Variants in MED11 observed in about 807,000 individuals in gnomAD.
MED11 encodes mediator complex subunit 11, also known as mediator of RNA polymerase II transcription subunit 11.
A neutral mutation model predicts 13.9 loss-of-function variants in MED11; 19 were observed. That is an observed-to-expected ratio of 1.36 (90% CI 0.95 to 2.00). The LOEUF (loss-of-function observed/expected upper bound fraction) is 2.00. Ranked by LOEUF, MED11 falls within the 30% of genes most tolerant of loss-of-function variation. The pLI, the probability that MED11 is intolerant of heterozygous loss-of-function variation, is 0.00. For synonymous variants in MED11, 67 were observed against 62.1 expected, an observed-to-expected ratio of 1.08 and a Z score of -0.37; for missense variants, 134 against 150.2, an observed-to-expected ratio of 0.89 and a Z score of 0.56.
intron 2 of MED11, chr17:4,732,420 CAA>C (rs58128934): frequency 6.8e-5 from 4 of 58,980 alleles, no homozygotes; most frequent in East Asian, 4.5e-4. Context: ...AAGACTGTCT[CAA>C]AAAAAAAAAA....
In MED11 at chr17:4,731,793, T is replaced by C. The variant is rs1372292723; in HGVS notation, c.103T>C (p.Leu35=). Residue 35 remains leucine (L), a synonymous_variant, in exon 2 of 3, where the codon TTG becomes CTG. Transcript: ENST00000293777. ...LQNAGTVILE[L]SKEKTNERLL... ...CCTGGCAGGTACTGTGATCCTAGAA[T>C]TGTCCAAGGAAAAAACTAACGAGCG... 6 of 1,614,108 alleles carry C rather than the reference T, an allele frequency of 3.7e-6. No homozygotes were observed. Among genetic ancestry groups the C allele is most frequent in the Non-Finnish European group, 5.1e-6 (6 of 1,180,018 alleles).
Position 4,733,365 on chromosome 17 carries a change from A to G in MED11, c.*178A>G. ...CTGAAGCCCGAGCCTGCCCACAGCT[A>G]TGCTTTGGCCTCTCCAGCAGGGTGC... On this transcript the variant is annotated 3_prime_UTR_variant, in exon 3 of 3. Coordinates refer to ENST00000293777, the MANE Select transcript of MED11 (RefSeq NM_001001683.4). 2 of 733,262 alleles carry G rather than the reference A, an allele frequency of 2.7e-6. No individual in the cohort carries two copies. Among genetic ancestry groups the G allele is most frequent in the East Asian group, 2.8e-5 (1 of 35,998 alleles). 45.4% of individuals were successfully genotyped at this position (733,262 alleles called of 1,614,324 possible).
chr17:4,731,693 A>C, intron 1 of MED11, 83 bp from the exon 2 acceptor site: 1 of 1,606,390 alleles, frequency 6.2e-7, no homozygotes, highest in Non-Finnish European at 8.5e-7. Flanking sequence ...GCGCAGCGAA[A>C]GGGCGGGACT....
At position 4,731,910 on chromosome 17, in the gene MED11, G is replaced by A. The variant is rs764366298; in HGVS notation, c.216+4G>A. 6.2e-7 allele frequency: 1 copy of A among 1,613,172 alleles called. No individual in the cohort carries two copies. The highest frequency in any genetic ancestry group is 2.2e-5 in the East Asian group (1 of 44,858). ...TCAGATCCGCTACCTCACCCAGGTC[G>A]GTGTGTCTGGGGGGTTCTGCGAGCG... On this transcript the variant is annotated splice_donor_region_variant and intron_variant, in intron 2 of 2. Transcript: ENST00000293777.
In MED11 at chr17:4,733,090, C is replaced by G; in HGVS notation, c.257C>G (p.Ser86Trp). ...CCCCATGAGGGCTCCAGCTACTCTT[C>G]GAGGAAGGACTGTCAGATGGCTCTG... ...GQPHEGSSYS[S>W]RKDCQMALKR... Residue 86 changes from serine to tryptophan, a missense_variant, in exon 3 of 3, where the codon TCG becomes TGG. Ser to Trp is a radical substitution (Grantham distance 177). Coordinates refer to ENST00000293777, the MANE Select transcript of MED11 (RefSeq NM_001001683.4). 1.2e-6 allele frequency: 2 copies of G among 1,614,106 alleles called. No homozygotes were observed. The highest frequency in any genetic ancestry group is 1.7e-6 in the Non-Finnish European group (2 of 1,180,016).
rs377429106 is a variant in MED11 at position 4,733,223 on chromosome 17, A to G, written c.*36A>G. On this transcript the variant is annotated 3_prime_UTR_variant, in exon 3 of 3. Coordinates refer to ENST00000293777, the MANE Select transcript of MED11 (RefSeq NM_001001683.4). ...TGGACCCAGAGCTGAGAGGGAGACCATCACCTGTGCCATGGGACAGAACCT... is the reference window on the plus strand; with the variant it reads ...TGGACCCAGAGCTGAGAGGGAGACCGTCACCTGTGCCATGGGACAGAACCT... The G allele has an allele frequency of 1.6e-5, 25 of 1,612,858 alleles. No individual in the cohort carries two copies. The African/African-American group carries it at 2.8e-4, about 18-fold the overall frequency.
In MED11 at chr17:4,731,898, C is replaced by T. The variant is rs368720003; in HGVS notation, c.208C>T (p.Leu70Phe). 37 of 1,613,628 alleles carry T rather than the reference C, an allele frequency of 2.3e-5. No homozygotes were observed. Among genetic ancestry groups the T allele is most frequent in the Non-Finnish European group, 3.1e-5 (37 of 1,179,806 alleles). Residue 70 changes from leucine to phenylalanine, a missense_variant, in exon 2 of 3, where the codon CTC (leucine) becomes TTC (phenylalanine). Coordinates refer to ENST00000293777, the MANE Select transcript of MED11 (RefSeq NM_001001683.4). The part of the protein sequence containing the change: ...EAELSAQIRY[L>F]TQVATGQPHE... ...GGAGCTGTCAGCTCAGATCCGCTAC[C>T]TCACCCAGGTCGGTGTGTCTGGGGG...
chr17:4,731,517 A>G lies in MED11; in HGVS notation c.28A>G (p.Arg10Gly). Residue 10 changes from arginine (R) to glycine (G), a missense_variant, in exon 1 of 3, where the codon AGA becomes GGA. By Grantham distance (125) the Arg-to-Gly change is moderately radical (BLOSUM62 -2). Coordinates refer to ENST00000293777, the MANE Select transcript of MED11 (RefSeq NM_001001683.4). MATYSLANE[R>G]LRALEDIERE... ...GGCTACCTACAGCCTGGCGAACGAG[A>G]GACTACGCGCTCTGGAAGACATTGA... is the stretch of plus-strand genomic sequence containing the variant. The G allele has an allele frequency of 6.2e-7, 1 of 1,614,054 alleles. No individual in the cohort carries two copies. Among genetic ancestry groups the G allele is most frequent in the Non-Finnish European group, 8.5e-7 (1 of 1,179,986 alleles).
Position 4,733,274 on chromosome 17 carries a change from A to G in MED11, c.*87A>G. ...GGGAACATGTAGGGTGGGGAGTATGAGCACCAACATACCCTGCTGGTCAAA... is the reference window on the plus strand; with the variant it reads ...GGGAACATGTAGGGTGGGGAGTATGGGCACCAACATACCCTGCTGGTCAAA... On this transcript the variant is annotated 3_prime_UTR_variant, in exon 3 of 3. Transcript: ENST00000293777. The G allele has an allele frequency of 8.0e-6, 12 of 1,504,530 alleles. No homozygotes were observed. Among genetic ancestry groups the G allele is most frequent in the Non-Finnish European group, 1.1e-5 (12 of 1,102,872 alleles). 93.2% of individuals were successfully genotyped at this position (1,504,530 alleles called of 1,614,324 possible).
chr17:4,731,660 TG>T, intron 1 of MED11, 86 bp downstream of exon 1: 1 of 1,608,184 alleles, frequency 6.2e-7, no homozygotes, highest in Non-Finnish European at 8.5e-7. Flanking sequence ...GGAGCAGGGT[TG>T]GGGAGGGAAT....
At position 4,731,480 on chromosome 17, in the gene MED11, C is replaced by G. The variant is rs376017838; in HGVS notation, c.-10C>G. 6.2e-7 allele frequency: 1 copy of G among 1,613,508 alleles called. No individual in the cohort carries two copies. The highest frequency in any genetic ancestry group is 1.3e-5 in the African/African-American group (1 of 75,010). ...AGGAGAAACTCTTGGTGAGAATTCCCAGAGTGATAATGGCTACCTACAGCC... is the reference window on the plus strand; with the variant it reads ...AGGAGAAACTCTTGGTGAGAATTCCGAGAGTGATAATGGCTACCTACAGCC... On this transcript the variant is annotated 5_prime_UTR_variant, in exon 1 of 3. Transcript: ENST00000293777.
rs761653347 is a variant in MED11 at position 4,731,447 on chromosome 17, C to CG, written c.-42dup. 4.4e-6 allele frequency: 7 copies of CG among 1,594,814 alleles called. No individual in the cohort carries two copies. The South Asian group carries it at 7.7e-5, about 18-fold the overall frequency. ...AGAGCCACTTCCGGAACAAGCGTCG[C>CG]GTTTCTGAGGAGAAACTCTTGGTGA... On this transcript the variant is annotated 5_prime_UTR_variant, in exon 1 of 3. Transcript: ENST00000293777.
At chr17:4,732,221 C>A in intron 2 of MED11, 1 of 346,106 alleles carries the variant, frequency 2.9e-6, no homozygotes, top group South Asian at 8.8e-5. Flanking sequence ...GTCAGGAGTT[C>A]GAGACCAGCC....
In MED11 at chr17:4,733,238, G is replaced by A. The variant is rs1420127921; in HGVS notation, c.*51G>A. The A allele has an allele frequency of 6.2e-7, 1 of 1,608,924 alleles. No individual in the cohort carries two copies. The highest frequency in any genetic ancestry group is 8.5e-7 in the Non-Finnish European group (1 of 1,177,180). On this transcript the variant is annotated 3_prime_UTR_variant, in exon 3 of 3. Coordinates refer to ENST00000293777, the MANE Select transcript of MED11 (RefSeq NM_001001683.4). ...GAGGGAGACCATCACCTGTGCCATG[G>A]GACAGAACCTGGGAACATGTAGGGT...
In MED11 at chr17:4,733,428, G is replaced by A. The variant is rs1454397062; in HGVS notation, c.*241G>A. The A allele has an allele frequency of 1.8e-5, 8 of 454,692 alleles. No homozygotes were observed. The Admixed American group carries it at 2.7e-4, about 15-fold the overall frequency. The allele number at this position is 454,692 out of a possible 1,614,324, so 28.2% of individuals were successfully genotyped here. A position where few individuals can be genotyped will look rare whatever the true frequency, so the allele number is the denominator to read the frequency against. ...CTCCAGAAACACCCTGACAGGCTCA[G>A]AGAGGAGATGGAAACTGACATACCC... On this transcript the variant is annotated 3_prime_UTR_variant, in exon 3 of 3. Coordinates refer to ENST00000293777, the MANE Select transcript of MED11 (RefSeq NM_001001683.4).
At chr17:4,732,927 T>C in intron 2 of MED11, 123 bp from the exon 3 acceptor site, 1 of 1,108,162 alleles carries the variant, frequency 9.0e-7, no homozygotes, top group Non-Finnish European at 1.3e-6. Flanking sequence ...GTTAAATGAT[T>C]TATTTACCCA....
intron 2 of MED11, 120 bp downstream of exon 2, chr17:4,732,026 G>C: frequency 7.9e-7 from 1 of 1,271,388 alleles, no homozygotes; most frequent in Admixed American, 2.8e-5. Flanking sequence ...CGGCCATCCA[G>C]AGCGGGTTTC....
chr17:4,731,782 T>G lies in MED11; in HGVS notation c.92T>G (p.Val31Gly). The change falls in exon 2 of 3, where the codon GTG (valine) becomes GGG (glycine). Residue 31 changes from valine (V) to glycine (G), a missense_variant. Transcript: ENST00000293777. ...CCTCTCTCCGCCCTGGCAGGTACTG[T>G]GATCCTAGAATTGTCCAAGGAAAAA... ...IGAILQNAGT[V>G]ILELSKEKTN... 6.2e-7 allele frequency: 1 copy of G among 1,613,984 alleles called. No homozygotes were observed. Among genetic ancestry groups the G allele is most frequent in the Non-Finnish European group, 8.5e-7 (1 of 1,179,928 alleles).
rs1346713837 is a variant in MED11 at position 4,731,505 on chromosome 17, C to G, written c.16C>G (p.Leu6Val). Residue 6 changes from leucine to valine, a missense_variant, in exon 1 of 3, where the codon CTG becomes GTG. Coordinates refer to ENST00000293777, the MANE Select transcript of MED11 (RefSeq NM_001001683.4). The part of the protein sequence containing the change: MATYS[L>V]ANERLRALED... ...CAGAGTGATAATGGCTACCTACAGC[C>G]TGGCGAACGAGAGACTACGCGCTCT... 6.2e-7 allele frequency: 1 copy of G among 1,614,138 alleles called. No homozygotes were observed. The highest frequency in any genetic ancestry group is 8.5e-7 in the Non-Finnish European group (1 of 1,180,012).
Sources: gnomAD v4.1 joint callset for allele counts on GRCh38, gnomAD v4.1.1 for gene constraint, MANE v1.5 for transcripts, NCBI Gene and HGNC (gene_info 2026-07-23, HGNC 2026-07-21) for gene names.